The following REDIC1 variants were observed in gnomAD, a reference collection of about 807,000 sequenced individuals.
The protein encoded by REDIC1 is HEI10 Interacting Protein 1.
chr12:39,743,671 A>G, the REDIC1 span, among the ~76,000 whole-genome samples: 1 of 152,200 alleles, frequency 6.6e-6, no homozygotes, highest in Non-Finnish European at 1.5e-5. Context: ...GCTGGAGACA[A>G]CACTAACAGA....
At chr12:39,891,910 TA>T in the REDIC1 span, among the ~76,000 whole-genome samples, 3 of 152,172 alleles carry the variant, frequency 2.0e-5, no homozygotes, top group Admixed American at 2.0e-4. Flanking sequence ...ATGGTTTTTC[TA>T]AAAAAATTAT....
At chr12:39,773,735 A>T in the REDIC1 span, among the ~76,000 whole-genome samples, 1 of 152,214 alleles carries the variant, frequency 6.6e-6, no homozygotes, top group Non-Finnish European at 1.5e-5. Flanking sequence ...GAGTAGAGGA[A>T]AAGAAATATG....
the REDIC1 span, among the ~76,000 whole-genome samples, chr12:39,710,870 T>G: frequency 0.047 from 7,133 of 151,660 alleles, 582 homozygotes; most frequent in African/African-American, 0.16. Context: ...AGTTACTCAA[T>G]AAGTGTTTTT....
the REDIC1 span, among the ~76,000 whole-genome samples, chr12:39,696,026 G>T: frequency 6.6e-6 from 1 of 152,090 alleles, no homozygotes; most frequent in Non-Finnish European, 1.5e-5. Context: ...AAGTCTGCAA[G>T]AACCACAGCA....
At chr12:39,726,247 G>A in the REDIC1 span, among the ~76,000 whole-genome samples, 2 of 151,920 alleles carry the variant, frequency 1.3e-5, no homozygotes, top group African/African-American at 4.8e-5. Flanking sequence ...GTGCCATGGT[G>A]GTTTGCTGCA....
the REDIC1 span, among the ~76,000 whole-genome samples, chr12:39,695,708 G>T: frequency 6.6e-6 from 1 of 152,168 alleles, no homozygotes; most frequent in Admixed American, 6.5e-5. Flanking sequence ...CACAGGCCTG[G>T]CTAGCTTTGC....
At chr12:39,649,392 G>A in the REDIC1 span, among the ~76,000 whole-genome samples, 2 of 151,802 alleles carry the variant, frequency 1.3e-5, no homozygotes, top group Non-Finnish European at 2.9e-5. Context: ...TAGTTAAGTA[G>A]TATTGTCGAA....
At chr12:39,647,094 T>G in the REDIC1 span, among the ~76,000 whole-genome samples, 1 of 152,076 alleles carries the variant, frequency 6.6e-6, no homozygotes, top group Non-Finnish European at 1.5e-5. Flanking sequence ...GCTGGTAATG[T>G]GACTAGGCCT....
chr12:39,871,494 AAC>A, the REDIC1 span, among the ~76,000 whole-genome samples: 28 of 149,990 alleles, frequency 1.9e-4, no homozygotes, highest in African/African-American at 5.3e-4. Flanking sequence ...AGAAAAAAAA[AAC>A]AATTATTTTT....
At chr12:39,746,634 T>C in the REDIC1 span, among the ~76,000 whole-genome samples, 1 of 152,192 alleles carries the variant, frequency 6.6e-6, no homozygotes. Flanking sequence ...CCTCCTCAGG[T>C]GGGTCCCTGA....
At chr12:39,895,534 A>G in the REDIC1 span, among the ~76,000 whole-genome samples, 4 of 133,176 alleles carry the variant, frequency 3.0e-5, no homozygotes, top group African/African-American at 5.6e-5. Context: ...ATATATATAT[A>G]TATATATATA....
the REDIC1 span, among the ~76,000 whole-genome samples, chr12:39,677,027 GA>G: frequency 0.74 from 104,489 of 141,510 alleles, 39,135 homozygotes; most frequent in Non-Finnish European, 0.83. Context: ...ATAACACAAT[GA>G]AAAAAAAAAA....
the REDIC1 span, among the ~76,000 whole-genome samples, chr12:39,726,331 G>C: frequency 9.2e-5 from 14 of 151,880 alleles, no homozygotes; most frequent in African/African-American, 2.9e-4. Flanking sequence ...CACCCCAACA[G>C]GCTCCAGTGT....
At chr12:39,688,962 G>A in the REDIC1 span, among the ~76,000 whole-genome samples, 1 of 152,294 alleles carries the variant, frequency 6.6e-6, no homozygotes, top group East Asian at 1.9e-4. Context: ...CAAAATCCAT[G>A]TACCGTTTTT....
chr12:39,708,115 T>C, the REDIC1 span, among the ~76,000 whole-genome samples: 1 of 151,784 alleles, frequency 6.6e-6, no homozygotes, highest in Admixed American at 6.6e-5. Context: ...ACAGGGTAGC[T>C]ATAGTGAATA....
chr12:39,710,798 T>A, the REDIC1 span, among the ~76,000 whole-genome samples: 1 of 151,812 alleles, frequency 6.6e-6, no homozygotes, highest in African/African-American at 2.4e-5. Flanking sequence ...TACAAGGTTC[T>A]GAACACTTTG....
chr12:39,801,109 G>A, the REDIC1 span, among the ~76,000 whole-genome samples: 5 of 65,048 alleles, frequency 7.7e-5, no homozygotes, highest in African/African-American at 6.2e-5. Flanking sequence ...GGTCAGGGGA[G>A]GGGGGAGGGA....
the REDIC1 span, among the ~76,000 whole-genome samples, chr12:39,711,565 GTATATGTGCATACACATGCATGTGTATA>G: frequency 4.1e-5 from 5 of 121,778 alleles, no homozygotes; most frequent in African/African-American, 1.8e-4. Flanking sequence ...ACATGCATGT[GTATATGTGCATACACATGCATGTGTATA>G]TGTGTATACA....
the REDIC1 span, among the ~76,000 whole-genome samples, chr12:39,901,741 G>T: frequency 1.5e-5 from 2 of 136,860 alleles, no homozygotes; most frequent in Non-Finnish European, 3.1e-5. Flanking sequence ...GACACTGTTG[G>T]TGGGACTGTA....
Sources: allele counts gnomAD v4.1 joint callset (sites outside exome capture counted in the v4.1 genomes callset), GRCh38; gene constraint gnomAD v4.1.1; transcripts MANE v1.5; gene names NCBI Gene and HGNC (gene_info 2026-07-23, HGNC 2026-07-21).